The following ZNF221 variants were observed in gnomAD, a reference collection of about 807,000 sequenced individuals.
The protein encoded by ZNF221 is zinc finger protein 221.
Under a neutral mutation model 12.6 loss-of-function variants are expected in ZNF221, and 10 were observed. That is an observed-to-expected ratio of 0.79 (90% CI 0.49 to 1.34). The LOEUF is 1.34. Among genes scored for constraint, ZNF221 ranks in the 40% most tolerant of loss-of-function variants. ZNF221 has a pLI of 0.00. For synonymous variants in ZNF221, 232 were observed against 244.0 expected, an observed-to-expected ratio of 0.95 and a Z score of 0.46; for missense variants, 661 against 721.4, an observed-to-expected ratio of 0.92 and a Z score of 0.96.
the ZNF221 span, among the ~76,000 whole-genome samples, chr19:43,981,479 T>C: frequency 6.6e-6 from 1 of 152,228 alleles, no homozygotes. Context: ...AATGTACAAG[T>C]GTATTTATAA....
the ZNF221 span, among the ~76,000 whole-genome samples, chr19:43,976,426 A>G: frequency 4.6e-5 from 7 of 152,070 alleles, no homozygotes; most frequent in Non-Finnish European, 1.0e-4. Context: ...AATCCCAGCT[A>G]CCTGAGAGGC....
intron 1 of ZNF221, among the ~76,000 whole-genome samples, chr19:43,956,254 A>G (rs892453593): frequency 7.9e-5 from 12 of 152,194 alleles, no homozygotes; most frequent in Admixed American, 7.2e-4. Context: ...CCCATTTAGC[A>G]TGTCCAACTA....
At chr19:43,954,990 C>A (rs1338803605) in intron 1 of ZNF221, among the ~76,000 whole-genome samples, 1 of 152,112 alleles carries the variant, frequency 6.6e-6, no homozygotes, top group South Asian at 2.1e-4. Context: ...TTGTTTTAGA[C>A]AATCAATGTT....
intron 1 of ZNF221, among the ~76,000 whole-genome samples, chr19:43,953,700 T>C (rs1017474415): frequency 6.6e-6 from 1 of 152,204 alleles, no homozygotes; most frequent in Non-Finnish European, 1.5e-5. Context: ...TTTAGTTGTA[T>C]GCCAGGAGAC....
At chr19:43,952,531 G>A (rs1306859728) in intron 1 of ZNF221, among the ~76,000 whole-genome samples, 8 of 152,224 alleles carry the variant, frequency 5.3e-5, no homozygotes, top group Admixed American at 5.2e-4. Context: ...TCTGTGGAGA[G>A]GTACTGCCAT....
At chr19:43,968,235 G>A (rs562568716), downstream of ZNF221, among the ~76,000 whole-genome samples, 1 of 152,354 alleles carries the variant, frequency 6.6e-6, no homozygotes, top group South Asian at 2.1e-4. Context: ...TAGAACCACT[G>A]TAGCACAGAA....
chr19:43,976,145 C>T, the ZNF221 span, among the ~76,000 whole-genome samples: 1 of 152,008 alleles, frequency 6.6e-6, no homozygotes, highest in East Asian at 2.0e-4. Flanking sequence ...AATCCTCCTA[C>T]CTCAGCCTCC....
At chr19:43,956,342 A>G (rs1322131913) in intron 1 of ZNF221, among the ~76,000 whole-genome samples, 1 of 152,236 alleles carries the variant, frequency 6.6e-6, no homozygotes, top group Non-Finnish European at 1.5e-5. Context: ...GTCAGATACA[A>G]TGTCCATTCC....
chr19:43,958,367 A>G (rs1192617315), intron 1 of ZNF221, among the ~76,000 whole-genome samples: 1 of 152,194 alleles, frequency 6.6e-6, no homozygotes, highest in Non-Finnish European at 1.5e-5. Flanking sequence ...CAGTCATCAT[A>G]AATTCAGTCC....
At chr19:43,972,118 A>G (rs1013287257), downstream of ZNF221, among the ~76,000 whole-genome samples, 1 of 152,184 alleles carries the variant, frequency 6.6e-6, no homozygotes, top group Non-Finnish European at 1.5e-5. Context: ...TAAAACAAAA[A>G]TGAAATTAAC....
Position 43,965,956 on chromosome 19 carries a change from G to A in ZNF221, c.454G>A (p.Val152Ile), listed in dbSNP as rs374666039. Residue 152 changes from valine to isoleucine, a missense_variant, in exon 5 of 5, where the codon GTC (valine) becomes ATC (isoleucine). Coordinates refer to ENST00000587682, the MANE Select transcript of ZNF221 (RefSeq NM_001297588.2). ...CTCTCAGTTCTTCAAAGAAGGTGAT[G>A]TCCCCTGCCAGATTGAGGCAAGACT... ...NSSQFFKEGDVPCQIEARLSI... is the reference protein window; with the variant it reads ...NSSQFFKEGDIPCQIEARLSI... The A allele has an allele frequency of 1.3e-5, 21 of 1,614,212 alleles. No homozygotes were observed. Among genetic ancestry groups the A allele is most frequent in the African/African-American group, 1.1e-4 (8 of 75,066 alleles).
chr19:43,951,842 TTGA>T (rs990413544), intron 1 of ZNF221, among the ~76,000 whole-genome samples: 98 of 143,958 alleles, frequency 6.8e-4, no homozygotes, highest in Middle Eastern at 7.6e-3. Flanking sequence ...TGGACAGTCT[TTGA>T]CCTCTTTTTT....
intron 1 of ZNF221, chr19:43,961,871 G>A (rs1247185812): frequency 6.6e-6 from 1 of 152,218 alleles, no homozygotes; most frequent in Non-Finnish European, 1.5e-5. Context: ...GTGTTGAAGT[G>A]TCATAACAGG....
the ZNF221 span, among the ~76,000 whole-genome samples, chr19:43,977,734 A>G: frequency 6.6e-6 from 1 of 152,220 alleles, no homozygotes; most frequent in Non-Finnish European, 1.5e-5. Flanking sequence ...ATTAGGTTAA[A>G]AGGCATTCTT....
At chr19:43,960,319 C>G (rs1053762892) in intron 1 of ZNF221, 2 of 151,590 alleles carry the variant, frequency 1.3e-5, no homozygotes, top group African/African-American at 2.4e-5. Flanking sequence ...TATATGGGAG[C>G]AAAAAAATGA....
the ZNF221 span, among the ~76,000 whole-genome samples, chr19:43,973,187 A>G: frequency 3.3e-5 from 5 of 152,208 alleles, no homozygotes; most frequent in African/African-American, 1.2e-4. Context: ...GGCCTTTGAT[A>G]AAATTCAACA....
the ZNF221 span, among the ~76,000 whole-genome samples, chr19:43,976,057 C>A: frequency 6.6e-6 from 1 of 151,930 alleles, no homozygotes; most frequent in African/African-American, 2.4e-5. Flanking sequence ...ACACTTTTTT[C>A]TTTTAAAAAA....
In ZNF221 at chr19:43,967,447, A is replaced by G; in HGVS notation, c.*91A>G. ...CAGAGAAAAACCATTCAAATATGAG[A>G]ACTGTGGGAAGAGCTTTGTACATAG... On this transcript the variant is annotated 3_prime_UTR_variant, in exon 5 of 5. Coordinates refer to ENST00000587682, the MANE Select transcript of ZNF221 (RefSeq NM_001297588.2). 6.1e-6 allele frequency: 6 copies of G among 978,534 alleles called. No individual in the cohort carries two copies. The highest frequency in any genetic ancestry group is 9.2e-6 in the Non-Finnish European group (6 of 648,684). 60.6% of individuals were successfully genotyped at this position (978,534 alleles called of 1,614,324 possible). A position where few individuals can be genotyped will look rare whatever the true frequency, so the allele number is the denominator to read the frequency against.
the ZNF221 span, among the ~76,000 whole-genome samples, chr19:43,979,864 A>C: frequency 1.3e-5 from 2 of 152,164 alleles, no homozygotes; most frequent in African/African-American, 4.8e-5. Context: ...CATCTTTTTT[A>C]GTTTAAAGGC....
Sources: allele counts gnomAD v4.1 joint callset (sites outside exome capture counted in the v4.1 genomes callset), GRCh38; gene constraint gnomAD v4.1.1; transcripts MANE v1.5; gene names NCBI Gene and HGNC (gene_info 2026-07-23, HGNC 2026-07-21).